ELP4: variants seen among roughly 807,000 people sequenced by gnomAD.
ELP4 encodes the protein elongator complex protein 4.
Under a neutral mutation model 48.9 loss-of-function variants are expected in ELP4, and 51 were observed. The observed-to-expected ratio is 1.04, with a 90% CI of 0.83 to 1.32. ELP4 has a LOEUF of 1.32. ELP4 is among the 40% of genes most tolerant of loss of function. The pLI, the probability that ELP4 is intolerant of heterozygous loss-of-function variation, is 0.00. For missense variants in ELP4, 519 were observed against 514.6 expected (o/e 1.01, Z -0.08); for synonymous variants, 210 against 189.2 (o/e 1.11, Z -0.90).
intron 9 of ELP4, among the ~76,000 whole-genome samples, chr11:31,655,320 TTGAG>T: frequency 6.6e-6 from 1 of 151,982 alleles, no homozygotes; most frequent in Admixed American, 6.6e-5. Flanking sequence ...GAACACAGTT[TTGAG>T]AATCTGTCTA....
intron 6 of ELP4, among the ~76,000 whole-genome samples, chr11:31,628,618 GT>G (rs1321987828): frequency 6.6e-6 from 1 of 151,942 alleles, no homozygotes; most frequent in East Asian, 1.9e-4. Flanking sequence ...ACTGGAGCTG[GT>G]TTGGCTTTCT....
intron 2 of ELP4, among the ~76,000 whole-genome samples, chr11:31,535,666 T>G (rs1956487488): frequency 6.6e-6 from 1 of 152,180 alleles, no homozygotes; most frequent in Non-Finnish European, 1.5e-5. Flanking sequence ...TTTTAGTGAC[T>G]TTTTACGACT....
intron 5 of ELP4, among the ~76,000 whole-genome samples, chr11:31,623,896 A>G (rs1207064108): frequency 2.6e-5 from 4 of 151,694 alleles, no homozygotes; most frequent in Non-Finnish European, 5.9e-5. Context: ...AAAAAATTGG[A>G]TAAGGACCAA....
chr11:31,662,724 A>G (rs1293753557), intron 9 of ELP4: 1 of 393,992 alleles, frequency 2.5e-6, no homozygotes. Flanking sequence ...AAAATAACAC[A>G]TACAGTCATT....
At chr11:31,590,480 A>G (rs1346507111) in intron 3 of ELP4, among the ~76,000 whole-genome samples, 2 of 152,222 alleles carry the variant, frequency 1.3e-5, no homozygotes, top group African/African-American at 4.8e-5. Flanking sequence ...ATAAGTATAA[A>G]CCTTCGTGAC....
chr11:31,596,314 G>A (rs1217770105), intron 4 of ELP4, among the ~76,000 whole-genome samples: 1 of 152,196 alleles, frequency 6.6e-6, no homozygotes, highest in Non-Finnish European at 1.5e-5. Context: ...CTGAGGCAGA[G>A]AATTGCTTGA....
In ELP4 at chr11:31,722,695, C is replaced by G. The variant is rs56939588; in HGVS notation, c.1144-60698C>G. On this transcript the variant is annotated intron_variant, in intron 9 of 9. Transcript: ENST00000640961. ...TCTCTCTCTCTCTCTCTCTCTCTCT[C>G]TGTCTCTCTCTTTCTCTCTCTCTCT... 4.4e-4 allele frequency among the ~76,000 whole-genome samples: 50 copies of G among 112,606 alleles called. 1 individual carries two copies. In the South Asian group the frequency reaches 0.014, roughly 33 times the overall value. The allele number at this position is 112,606 out of a possible 152,430, so 73.9% of individuals were successfully genotyped here.
At position 31,545,194 on chromosome 11, in the gene ELP4, G is replaced by C. The variant is rs574897731; in HGVS notation, c.381+5411G>C. 1.9e-4 allele frequency among the ~76,000 whole-genome samples: 29 copies of C among 152,236 alleles called. No homozygotes were observed. In the East Asian group the frequency reaches 5.6e-3, roughly 29 times the overall value. ...TCAGACGATCAAACTACGAGCTACA[G>C]GAGGAAATTCAAACCAAAGGCAAAG... On this transcript the variant is annotated intron_variant, in intron 3 of 9. Coordinates refer to ENST00000640961, the MANE Select transcript of ELP4 (RefSeq NM_019040.5).
intron 9 of ELP4, among the ~76,000 whole-genome samples, chr11:31,728,857 C>T (rs1045298263): frequency 2.6e-5 from 4 of 152,040 alleles, no homozygotes; most frequent in African/African-American, 9.7e-5. Context: ...TGTTTGGAAA[C>T]CAAAATTAAA....
rs1424359090 is a variant in ELP4, at chr11:31,720,029, T to C, written c.1144-63364T>C. The stretch of plus-strand genomic sequence containing the variant: ...AGCTTTGTTTTTTTTCAAGTGTTTT[T>C]TGTGTTAAAAGCTCTGACATAGTTT... On this transcript the variant is annotated intron_variant, in intron 9 of 9. Transcript: ENST00000640961. 2.6e-5 allele frequency: 4 copies of C among 152,208 alleles called. No individual in the cohort carries two copies. In the East Asian group the frequency reaches 5.8e-4, roughly 22 times the overall value. The allele number at this position is 152,208 out of a possible 1,614,324, so 9.4% of individuals were successfully genotyped here.
chr11:31,765,771 G>A (rs1592291964), intron 9 of ELP4, among the ~76,000 whole-genome samples: 1 of 152,016 alleles, frequency 6.6e-6, no homozygotes, highest in African/African-American at 2.4e-5. Flanking sequence ...TAGAGCATTA[G>A]TGATACCTCA....
At chr11:31,735,177 G>A (rs12293886) in intron 9 of ELP4, among the ~76,000 whole-genome samples, 16 of 144,886 alleles carry the variant, frequency 1.1e-4, no homozygotes, top group Admixed American at 4.1e-4. Flanking sequence ...AAAAAAACAC[G>A]CACAAAAAAA....
intron 4 of ELP4, chr11:31,599,239 AT>A (rs1957735222): frequency 6.6e-6 from 1 of 152,178 alleles, no homozygotes; most frequent in South Asian, 2.1e-4. Flanking sequence ...ATGATAGCTT[AT>A]TTTGAATATG....
chr11:31,716,154 A>G (rs1946838174), intron 9 of ELP4, among the ~76,000 whole-genome samples: 1 of 152,094 alleles, frequency 6.6e-6, no homozygotes, highest in Non-Finnish European at 1.5e-5. Flanking sequence ...AGCTAGGACT[A>G]CGGGCACACA....
intron 2 of ELP4, among the ~76,000 whole-genome samples, chr11:31,532,675 A>G (rs74800533): frequency 6.6e-6 from 1 of 151,984 alleles, no homozygotes; most frequent in Non-Finnish European, 1.5e-5. Flanking sequence ...TCTCATTACT[A>G]AAAAGTTGTT....
intron 3 of ELP4, among the ~76,000 whole-genome samples, chr11:31,551,365 A>G (rs145082112): frequency 2.0e-4 from 31 of 152,280 alleles, no homozygotes; most frequent in African/African-American, 5.8e-4. Flanking sequence ...TCTTTGGGAC[A>G]TTGTCCCCAT....
chr11:31,759,849 G>C (rs1054162477), intron 9 of ELP4, among the ~76,000 whole-genome samples: 2 of 151,954 alleles, frequency 1.3e-5, no homozygotes, highest in African/African-American at 4.8e-5. Context: ...TGGGATTACA[G>C]GTATATGCCA....
intron 9 of ELP4, among the ~76,000 whole-genome samples, chr11:31,706,757 A>G (rs1419163831): frequency 6.6e-6 from 1 of 151,816 alleles, no homozygotes; most frequent in Non-Finnish European, 1.5e-5. Context: ...AACATCTAGT[A>G]CCTGTGTTCT....
At chr11:31,711,180 C>A (rs570580195) in intron 9 of ELP4, among the ~76,000 whole-genome samples, 70 of 152,244 alleles carry the variant, frequency 4.6e-4, no homozygotes, top group Non-Finnish European at 8.5e-4. Flanking sequence ...TTTAGAGATT[C>A]TTTATGAAAA....
Sources: allele counts gnomAD v4.1 joint callset (sites outside exome capture counted in the v4.1 genomes callset), GRCh38; gene constraint gnomAD v4.1.1; transcripts MANE v1.5; gene names NCBI Gene and HGNC (gene_info 2026-07-23, HGNC 2026-07-21).